GBF1: variants seen among roughly 807,000 people sequenced by gnomAD.
The protein encoded by GBF1 is golgi brefeldin A resistant guanine nucleotide exchange factor 1, also known as Golgi-specific brefeldin A-resistance guanine nucleotide exchange factor 1.
A neutral mutation model predicts 210.5 loss-of-function variants in GBF1; 114 were observed. The observed-to-expected ratio is 0.54, with a 90% CI of 0.47 to 0.63. The LOEUF (loss-of-function observed/expected upper bound fraction) is 0.63. Ranked by LOEUF, GBF1 falls within the 30% of genes least tolerant of loss-of-function variation. The pLI, the probability that GBF1 is intolerant of heterozygous loss-of-function variation, is 0.00. For missense variants in GBF1, 1,851 were observed against 2,357.7 expected (o/e 0.79, Z 4.45); for synonymous variants, 850 against 889.2 (o/e 0.96, Z 0.78).
chr10:102,266,050 A>C (rs192136535), intron 3 of GBF1, among the ~76,000 whole-genome samples: 3 of 152,262 alleles, frequency 2.0e-5, no homozygotes, highest in African/African-American at 7.2e-5. Context: ...ATCCTGGCGA[A>C]CACGGTGAAA....
intron 3 of GBF1, among the ~76,000 whole-genome samples, chr10:102,266,776 G>C (rs1589422621): frequency 2.0e-5 from 3 of 152,248 alleles, no homozygotes; most frequent in Admixed American, 2.0e-4. Context: ...AATTCTGGGG[G>C]ATAGGATATT....
intron 3 of GBF1, among the ~76,000 whole-genome samples, chr10:102,284,975 A>T (rs560533812): frequency 6.6e-6 from 1 of 152,190 alleles, no homozygotes; most frequent in African/African-American, 2.4e-5. Flanking sequence ...TTGAGACTGG[A>T]TAGGACTTTG....
intron 3 of GBF1, among the ~76,000 whole-genome samples, chr10:102,338,218 A>C (rs915846447): frequency 6.7e-6 from 1 of 149,688 alleles, no homozygotes; most frequent in Non-Finnish European, 1.5e-5. Flanking sequence ...TAGCAGTCAT[A>C]GATTCCAACA....
intron 10 of GBF1, 96 bp from the exon 11 acceptor site, chr10:102,359,171 T>TTA: frequency 1.2e-6 from 1 of 850,922 alleles, no homozygotes; most frequent in Admixed American, 1.9e-5. Flanking sequence ...CTGTAGCCCA[T>TTA]TAGAGACAGC....
chr10:102,278,847 G>A (rs2133416371), intron 3 of GBF1, among the ~76,000 whole-genome samples: 1 of 152,248 alleles, frequency 6.6e-6, no homozygotes, highest in South Asian at 2.1e-4. Flanking sequence ...ACAACTGCAG[G>A]TGCTGTTCAT....
intron 3 of GBF1, among the ~76,000 whole-genome samples, chr10:102,305,890 G>A (rs976827618): frequency 3.9e-5 from 6 of 152,108 alleles, no homozygotes; most frequent in South Asian, 4.1e-4. Context: ...TACTGTTCTG[G>A]GCAGGTGAAG....
At chr10:102,367,247 G>A (rs1046868388) in intron 20 of GBF1, 37 bp downstream of exon 20, 5 of 1,605,454 alleles carry the variant, frequency 3.1e-6, no homozygotes, top group Non-Finnish European at 4.3e-6. Flanking sequence ...AGAAGACCCA[G>A]CACAGCTTGG....
chr10:102,305,217 G>GTA (rs778502433), intron 3 of GBF1, among the ~76,000 whole-genome samples: 534 of 134,972 alleles, frequency 4.0e-3, no homozygotes, highest in Non-Finnish European at 7.0e-3. Flanking sequence ...GTGTGTGTGT[G>GTA]TGTACTTGAT....
In GBF1 at chr10:102,375,428, G is replaced by A; in HGVS notation, c.3730G>A (p.Ala1244Thr). Residue 1244 changes from alanine to threonine, a missense_variant, in exon 30 of 40, where the codon GCG (alanine) becomes ACG (threonine). Coordinates refer to ENST00000369983, the MANE Select transcript of GBF1 (RefSeq NM_001377137.1). ...GCTATCCCGAGTCAGCCACCAGGTTGCGTATGGGCTCCATGAACTCCTGAA... is the reference window on the plus strand; with the variant it reads ...GCTATCCCGAGTCAGCCACCAGGTTACGTATGGGCTCCATGAACTCCTGAA... ...SVLSRVSHQV[A>T]YGLHELLKTN... 6.2e-7 allele frequency: 1 copy of A among 1,613,948 alleles called. No individual in the cohort carries two copies.
At chr10:102,283,073 G>A (rs914025676) in intron 3 of GBF1, among the ~76,000 whole-genome samples, 2 of 152,142 alleles carry the variant, frequency 1.3e-5, no homozygotes, top group Non-Finnish European at 2.9e-5. Flanking sequence ...CTTAAGGTAA[G>A]GAGTCACTCA....
At chr10:102,378,760 C>T (rs765855795) in intron 33 of GBF1, among the ~76,000 whole-genome samples, 1 of 152,096 alleles carries the variant, frequency 6.6e-6, no homozygotes, top group African/African-American at 2.4e-5. Context: ...ATGGCAAAAC[C>T]CCATCTCTAC....
At chr10:102,304,922 G>A (rs937540091) in intron 3 of GBF1, among the ~76,000 whole-genome samples, 10 of 151,272 alleles carry the variant, frequency 6.6e-5, no homozygotes, top group Admixed American at 5.9e-4. Context: ...TGAGACAGGA[G>A]GATCGTTTGA....
chr10:102,365,331 C>T (rs1030153829), intron 17 of GBF1, 66 bp from the exon 18 acceptor site: 11 of 1,262,748 alleles, frequency 8.7e-6, no homozygotes, highest in African/African-American at 2.9e-5. Flanking sequence ...CTATGGTGGA[C>T]TCCAGGCTGG....
intron 3 of GBF1, among the ~76,000 whole-genome samples, chr10:102,260,780 A>G (rs1352619638): frequency 2.0e-5 from 3 of 151,346 alleles, no homozygotes; most frequent in African/African-American, 4.9e-5. Flanking sequence ...CCTGGCCTAT[A>G]TTTTCTTTAA....
intron 10 of GBF1, chr10:102,359,001 G>A: frequency 8.5e-6 from 5 of 586,626 alleles, no homozygotes. Context: ...TTTCTGGAAG[G>A]TAATGATCCA....
At chr10:102,316,027 A>G (rs568640521) in intron 3 of GBF1, among the ~76,000 whole-genome samples, 19 of 150,946 alleles carry the variant, frequency 1.3e-4, no homozygotes, top group African/African-American at 4.4e-4. Context: ...TTACCAATTC[A>G]TATCAGGATG....
chr10:102,353,653 A>T lies in GBF1; in HGVS notation c.638A>T (p.Lys213Met), dbSNP rs1374960256. 6.2e-7 allele frequency: 1 copy of T among 1,606,480 alleles called. No homozygotes were observed. Among genetic ancestry groups the T allele is most frequent in the African/African-American group, 1.3e-5 (1 of 74,910 alleles). Residue 213 changes from lysine (K) to methionine (M), a missense_variant and splice_region_variant, in exon 8 of 40, where the codon AAG (lysine) becomes ATG (methionine). Lys to Met is a moderately conservative substitution (Grantham distance 95). Transcript: ENST00000369983. ...AACTATGTGGGGACCAACATGAAGA[A>T]GGTATGATCTGAGAGCTGATCTGCT... is the stretch of plus-strand genomic sequence containing the variant. ...PKNYVGTNMK[K>M]LKMRAGGMSD...
chr10:102,269,473 T>C (rs2074190094), intron 3 of GBF1, among the ~76,000 whole-genome samples: 1 of 151,908 alleles, frequency 6.6e-6, no homozygotes, highest in African/African-American at 2.4e-5. Flanking sequence ...AGGGTAAGAG[T>C]AGTTGAGGAC....
rs1355872065 is a variant in GBF1, at chr10:102,260,473, CTTCTTTTT to C, written c.163+360_163+367del. Among the ~76,000 whole-genome samples the C allele has an allele frequency of 1.5e-3, 114 of 74,792 alleles. 2 individuals carry two copies. Among genetic ancestry groups the C allele is most frequent in the Middle Eastern group, 0.016 (2 of 128 alleles). 49.1% of individuals were successfully genotyped at this position (74,792 alleles called of 152,430 possible). A position where few individuals can be genotyped will look rare whatever the true frequency, so the allele number is the denominator to read the frequency against. On this transcript the variant is annotated intron_variant, in intron 3 of 39. Transcript: ENST00000369983. ...CTGTGCCTGGCCTATATTTTCCTTT[CTTCTTTTT>C]TTTTTTTTTTTTTTTTTTGAGGTAG...
Sources: allele counts gnomAD v4.1 joint callset (sites outside exome capture counted in the v4.1 genomes callset), GRCh38; gene constraint gnomAD v4.1.1; transcripts MANE v1.5; gene names NCBI Gene and HGNC (gene_info 2026-07-23, HGNC 2026-07-21).